The following ADAMTS17 variants were observed in gnomAD, a reference collection of about 807,000 sequenced individuals.
The protein encoded by ADAMTS17 is A disintegrin and metalloproteinase with thrombospondin motifs 17.
Under a neutral mutation model 141.5 loss-of-function variants are expected in ADAMTS17, and 113 were observed. The ratio of observed to expected loss-of-function variants is 0.80; its 90% CI spans 0.69 to 0.93. The LOEUF (loss-of-function observed/expected upper bound fraction) is 0.93. Among genes scored for constraint, ADAMTS17 ranks in the 40% least tolerant of loss-of-function variants. The pLI, the probability that ADAMTS17 is intolerant of heterozygous loss-of-function variation, is 0.00. For synonymous variants in ADAMTS17, 768 were observed against 630.6 expected (o/e 1.22, Z -3.27); for missense variants, 1,659 against 1,517.9 (o/e 1.09, Z -1.54).
At chr15:100,119,542 G>A (rs74037387) in intron 12 of ADAMTS17, among the ~76,000 whole-genome samples, 7,039 of 152,202 alleles carry the variant, frequency 0.046, 485 homozygotes, top group African/African-American at 0.15. Context: ...CAGTTTCCTC[G>A]CCTTTCCAGT....
intron 8 of ADAMTS17, among the ~76,000 whole-genome samples, chr15:100,163,113 T>C (rs369368704): frequency 5.3e-5 from 8 of 151,494 alleles, no homozygotes; most frequent in Non-Finnish European, 1.0e-4. Flanking sequence ...TATAGGTATA[T>C]AGGACAGGTA....
intron 13 of ADAMTS17, among the ~76,000 whole-genome samples, chr15:100,110,705 C>A (rs373538273): frequency 6.6e-6 from 1 of 152,264 alleles, no homozygotes; most frequent in East Asian, 1.9e-4. Flanking sequence ...TTGCACAGGG[C>A]GAGAGTCAAA....
intron 14 of ADAMTS17, among the ~76,000 whole-genome samples, chr15:100,103,148 CAGA>C (rs1366783717): frequency 6.6e-6 from 1 of 152,156 alleles, no homozygotes; most frequent in Non-Finnish European, 1.5e-5. Context: ...TGGCTTCAAC[CAGA>C]AGTTGTCATG....
chr15:100,261,736 C>G (rs527678276), intron 5 of ADAMTS17, 100 bp from the exon 6 acceptor site: 13 of 1,349,268 alleles, frequency 9.6e-6, no homozygotes, highest in South Asian at 1.3e-5. Flanking sequence ...CAGTCACTCA[C>G]TGAGACATCA....
chr15:99,997,695 G>A lies in ADAMTS17; in HGVS notation c.2592-106C>T. 1 of 1,422,058 alleles carries A rather than the reference G, an allele frequency of 7.0e-7. No individual in the cohort carries two copies. The allele number at this position is 1,422,058 out of a possible 1,614,324, so 88.1% of individuals were successfully genotyped here. On this transcript the variant is annotated intron_variant, in intron 18 of 21. Coordinates refer to ENST00000268070, the MANE Select transcript of ADAMTS17 (RefSeq NM_139057.4). This position sits in a 1 kb window ranked among gnomAD's most constrained non-coding sequence, Gnocchi z 4.7. Reference sequence around the variant, plus strand: ...AATTGCTGCCCTGTGGTGGGAGAGAGGGAGGCAGACTCAGGAAGCTTTTCA... The same window carrying A: ...AATTGCTGCCCTGTGGTGGGAGAGAAGGAGGCAGACTCAGGAAGCTTTTCA...
At chr15:100,341,621 TCGGCGAGCGGAGACCCGG>T (rs953701490) in intron 1 of ADAMTS17, among the ~76,000 whole-genome samples, 182 bp downstream of exon 1, 1 of 150,206 alleles carries the variant, frequency 6.7e-6, no homozygotes, top group Non-Finnish European at 1.5e-5. Flanking sequence ...GCGCCGCGCA[TCGGCGAGCGGAGACCCGG>T]CGGCGGCGCG....
chr15:100,093,038 C>T (rs28734012), intron 15 of ADAMTS17, among the ~76,000 whole-genome samples: 5,703 of 152,336 alleles, frequency 0.037, 350 homozygotes, highest in African/African-American at 0.13. Flanking sequence ...CATTTTGAAG[C>T]CCATCCATCA....
At position 100,069,331 on chromosome 15, in the gene ADAMTS17, A is replaced by C. The variant is rs576408750; in HGVS notation, c.2138-15277T>G. On this transcript the variant is annotated intron_variant, in intron 15 of 21. Coordinates refer to ENST00000268070, the MANE Select transcript of ADAMTS17 (RefSeq NM_139057.4). ...TGGAAAACACTCTGCAGGATATTATACAGGAGAACTTCCCCAATCTAGCAA... is the reference window on the plus strand; with the variant it reads ...TGGAAAACACTCTGCAGGATATTATCCAGGAGAACTTCCCCAATCTAGCAA... Among the ~76,000 whole-genome samples, 410 of 150,706 alleles carry C rather than the reference A, an allele frequency of 2.7e-3. 2 individuals are homozygous for C. Among genetic ancestry groups the C allele is most frequent in the African/African-American group, 8.6e-3 (348 of 40,562 alleles).
At chr15:100,094,358 T>C (rs370308691) in intron 15 of ADAMTS17, among the ~76,000 whole-genome samples, 18 of 152,164 alleles carry the variant, frequency 1.2e-4, no homozygotes, top group East Asian at 9.6e-4. Flanking sequence ...CAGACAGGGA[T>C]GTGGCCCAGG....
At chr15:100,169,253 C>T (rs1384133494) in intron 8 of ADAMTS17, among the ~76,000 whole-genome samples, 2 of 152,008 alleles carry the variant, frequency 1.3e-5, no homozygotes, top group East Asian at 3.9e-4. Flanking sequence ...AGGTATGACG[C>T]TAAGCACTTG....
intron 12 of ADAMTS17, among the ~76,000 whole-genome samples, chr15:100,119,304 G>C (rs1002450829): frequency 6.6e-6 from 1 of 152,106 alleles, no homozygotes; most frequent in African/African-American, 2.4e-5. Flanking sequence ...GACGACACAA[G>C]GACCAGATGC....
intron 14 of ADAMTS17, among the ~76,000 whole-genome samples, chr15:100,098,456 G>A (rs2035896941): frequency 6.6e-6 from 1 of 152,114 alleles, no homozygotes; most frequent in Non-Finnish European, 1.5e-5. Context: ...AGACCAGCCT[G>A]GTCAACATGG....
At chr15:100,133,127 AGAGTACAGATTGT>A (rs1194886661) in intron 11 of ADAMTS17, 74 bp downstream of exon 11, 196 of 1,300,970 alleles carry the variant, frequency 1.5e-4, no homozygotes, top group Middle Eastern at 1.3e-3. Flanking sequence ...GCTCCTAAGT[AGAGTACAGATTGT>A]GTGTCAGAAG....
At chr15:100,320,504 C>T (rs933989569) in intron 3 of ADAMTS17, among the ~76,000 whole-genome samples, 4 of 152,162 alleles carry the variant, frequency 2.6e-5, no homozygotes, top group African/African-American at 9.7e-5. Flanking sequence ...GAAGACTCAA[C>T]CTAGGATTCC....
intron 8 of ADAMTS17, among the ~76,000 whole-genome samples, chr15:100,170,609 A>G (rs1183579363): frequency 6.7e-6 from 1 of 149,418 alleles, no homozygotes; most frequent in East Asian, 1.9e-4. Flanking sequence ...AGCTCTCAAA[A>G]CAACATCTTT....
intron 7 of ADAMTS17, among the ~76,000 whole-genome samples, chr15:100,216,485 C>G (rs368552127): frequency 9.9e-4 from 151 of 152,314 alleles, no homozygotes; most frequent in African/African-American, 3.5e-3. Context: ...AGAGGCCACT[C>G]TCTTTATCTG....
At chr15:99,992,091 A>ATGATGGGT (rs1359240406) in intron 20 of ADAMTS17, among the ~76,000 whole-genome samples, 1 of 152,162 alleles carries the variant, frequency 6.6e-6, no homozygotes, top group Non-Finnish European at 1.5e-5. Context: ...TAAAACCTAG[A>ATGATGGGT]TGATGGGTTG....
Position 100,141,795 on chromosome 15 carries a change from G to T in ADAMTS17, c.1474-8480C>A, listed in dbSNP as rs367814500. Reference sequence around the variant, plus strand: ...CTACTGTAAACTTTCAAACACTTCTGGAAAATTAGGACCATCTGCTGCCAA... The same window carrying T: ...CTACTGTAAACTTTCAAACACTTCTTGAAAATTAGGACCATCTGCTGCCAA... On this transcript the variant is annotated intron_variant, in intron 10 of 21. Coordinates refer to ENST00000268070, the MANE Select transcript of ADAMTS17 (RefSeq NM_139057.4). Among the ~76,000 whole-genome samples the T allele has an allele frequency of 8.5e-5, 13 of 152,242 alleles. 1 individual carries two copies. In the East Asian group the frequency reaches 1.3e-3, roughly 16 times the overall value.
At chr15:100,055,794 A>G (rs895520746) in intron 15 of ADAMTS17, among the ~76,000 whole-genome samples, 1 of 152,130 alleles carries the variant, frequency 6.6e-6, no homozygotes, top group African/African-American at 2.4e-5. Context: ...CATATTCTCT[A>G]GGTTGGCTCT....
Sources: gnomAD v4.1 joint callset for allele counts (sites outside exome capture counted in the v4.1 genomes callset) on GRCh38, gnomAD v4.1.1 for gene constraint, Gnocchi (gnomAD v3.1) non-coding constraint, MANE v1.5 for transcripts, NCBI Gene and HGNC (gene_info 2026-07-23, HGNC 2026-07-21) for gene names.